Variants in PCDH11X observed in about 807,000 individuals in gnomAD.
PCDH11X encodes the protein protocadherin 11 X-linked.
A neutral mutation model predicts 53.3 loss-of-function variants in PCDH11X; 18 were observed. The observed-to-expected ratio is 0.34, with a 90% confidence interval of 0.23 to 0.50. The LOEUF is 0.50. PCDH11X is among the 20% of genes least tolerant of loss of function. PCDH11X has a pLI of 0.98. For synonymous variants in PCDH11X, 279 were observed against 393.3 expected, an observed-to-expected ratio of 0.71 and a Z score of 3.44; for missense variants, 570 against 1,032.4, an observed-to-expected ratio of 0.55 and a Z score of 6.14.
At chrX:92,124,708 T>A (rs2064831022) in intron 6 of PCDH11X, among the ~76,000 whole-genome samples, 1 of 109,810 alleles carries the variant, frequency 9.1e-6, no homozygotes, top group Admixed American at 9.8e-5. Flanking sequence ...AAACAGGGAA[T>A]CTGAATGTTA....
intron 10 of PCDH11X, among the ~76,000 whole-genome samples, chrX:92,581,855 G>A (rs1240307474): frequency 5.6e-5 from 6 of 107,062 alleles, no homozygotes; most frequent in African/African-American, 2.1e-4. Flanking sequence ...CCAGGCTCAG[G>A]TGGTCTCAGA....
rs781171949 is a variant in PCDH11X at position 92,259,410 on chromosome X, G to A, written c.3115-3704G>A. Among the ~76,000 whole-genome samples the A allele has an allele frequency of 4.1e-4, 46 of 111,443 alleles. No homozygotes were observed. In the Middle Eastern group the frequency reaches 0.019, roughly 45 times the overall value. ...CCTCAGGAAACTTACAATCATGGTGGAAGGCAAAGGGGTAGCAGCACTTCA... is the reference window on the plus strand; with the variant it reads ...CCTCAGGAAACTTACAATCATGGTGAAAGGCAAAGGGGTAGCAGCACTTCA... On this transcript the variant is annotated intron_variant, in intron 7 of 10. Coordinates refer to ENST00000682573, the MANE Select transcript of PCDH11X (RefSeq NM_032968.5).
intron 6 of PCDH11X, among the ~76,000 whole-genome samples, chrX:91,881,024 A>G (rs1225563420): frequency 9.0e-6 from 1 of 111,498 alleles, no homozygotes; most frequent in East Asian, 2.8e-4. Context: ...TTACATATGT[A>G]GATCATCATT....
chrX:92,244,123 C>G (rs1310615135), intron 7 of PCDH11X, among the ~76,000 whole-genome samples: 1 of 109,580 alleles, frequency 9.1e-6, no homozygotes, highest in Non-Finnish European at 1.9e-5. Flanking sequence ...ATCCCATGAG[C>G]CTAAGATAGA....
intron 6 of PCDH11X, among the ~76,000 whole-genome samples, chrX:92,145,221 G>A (rs945870896): frequency 8.9e-5 from 10 of 111,764 alleles, no homozygotes; most frequent in Non-Finnish European, 1.5e-4. Context: ...AGAAAAATGC[G>A]AGGACAGTCC....
At chrX:92,123,315 C>T (rs746495290) in intron 6 of PCDH11X, among the ~76,000 whole-genome samples, 2 of 111,577 alleles carry the variant, frequency 1.8e-5, no homozygotes, top group African/African-American at 6.5e-5. Flanking sequence ...TATTAGAAGA[C>T]TGTAAGTTTC....
intron 6 of PCDH11X, chrX:91,879,699 C>T: frequency 1.3e-5 from 10 of 784,556 alleles, no homozygotes; most frequent in Non-Finnish European, 1.5e-5. Flanking sequence ...AGAAGCCTAG[C>T]TTCACTTGGG....
intron 10 of PCDH11X, among the ~76,000 whole-genome samples, chrX:92,514,952 C>A (rs1395858543): frequency 1.0e-5 from 1 of 99,258 alleles, no homozygotes; most frequent in Non-Finnish European, 2.0e-5. Context: ...GAGGCTGAGG[C>A]AGGAAAATGG....
At chrX:92,390,124 C>T (rs1044827642) in intron 9 of PCDH11X, among the ~76,000 whole-genome samples, 4 of 110,527 alleles carry the variant, frequency 3.6e-5, no homozygotes, top group African/African-American at 1.3e-4. Flanking sequence ...CCATTTTCTA[C>T]AAGTCTAACA....
At chrX:92,602,361 A>G (rs1025540631) in intron 10 of PCDH11X, among the ~76,000 whole-genome samples, 18 of 112,708 alleles carry the variant, frequency 1.6e-4, no homozygotes, top group Non-Finnish European at 3.2e-4. Context: ...TAGCAGAGAC[A>G]ATCAGGAAAA....
intron 6 of PCDH11X, among the ~76,000 whole-genome samples, chrX:92,121,317 A>G (rs1291464249): frequency 9.1e-6 from 1 of 110,132 alleles, no homozygotes; most frequent in Admixed American, 9.7e-5. Flanking sequence ...CACCATGCCC[A>G]GCTAATTTTG....
intron 7 of PCDH11X, among the ~76,000 whole-genome samples, chrX:92,226,728 G>C (rs1421829305): frequency 9.0e-6 from 1 of 110,866 alleles, no homozygotes; most frequent in Non-Finnish European, 1.9e-5. Context: ...GGAGAATGAG[G>C]CTGCCAGACG....
At chrX:92,007,772 C>T (rs2062625652) in intron 6 of PCDH11X, among the ~76,000 whole-genome samples, 1 of 112,086 alleles carries the variant, frequency 8.9e-6, no homozygotes, top group African/African-American at 3.2e-5. Flanking sequence ...TGGAGCCAGC[C>T]CATCTCAGAG....
intron 9 of PCDH11X, among the ~76,000 whole-genome samples, chrX:92,429,053 T>C (rs1012968839): frequency 1.8e-5 from 2 of 110,882 alleles, no homozygotes; most frequent in African/African-American, 6.6e-5. Context: ...AAAAATAAAA[T>C]GCTAACTTAT....
chrX:92,140,127 AAT>A (rs1184942282), intron 6 of PCDH11X, among the ~76,000 whole-genome samples: 1 of 111,114 alleles, frequency 9.0e-6, no homozygotes, highest in East Asian at 2.8e-4. Flanking sequence ...AGAATTTTGA[AAT>A]ATACAGTATT....
At chrX:92,479,410 G>C (rs1443666299) in intron 10 of PCDH11X, among the ~76,000 whole-genome samples, 1 of 108,486 alleles carries the variant, frequency 9.2e-6, no homozygotes, top group Non-Finnish European at 1.9e-5. Flanking sequence ...CATCATGTTA[G>C]CTGGTTATTC....
intron 6 of PCDH11X, among the ~76,000 whole-genome samples, chrX:92,004,360 G>A (rs374411388): frequency 9.0e-5 from 10 of 110,708 alleles, no homozygotes; most frequent in East Asian, 2.8e-4. Flanking sequence ...TTATATAGTC[G>A]TTAGATGAAA....
At chrX:92,073,495 G>A (rs2063732550) in intron 6 of PCDH11X, among the ~76,000 whole-genome samples, 1 of 112,489 alleles carries the variant, frequency 8.9e-6, no homozygotes, top group African/African-American at 3.2e-5. Flanking sequence ...AGTGGAAACT[G>A]GAAAGCTAAC....
chrX:92,331,318 C>CTTCTTCTTCTTCTTCTTCTTCTT (rs58451818), intron 8 of PCDH11X, among the ~76,000 whole-genome samples: 3 of 92,610 alleles, frequency 3.2e-5, no homozygotes, highest in African/African-American at 8.2e-5. Flanking sequence ...TCTTCTTCTT[C>CTTCTTCTTCTTCTTCTTCTTCTT]CTCTTCTTCT....
Sources: gnomAD v4.1 joint callset for allele counts (sites outside exome capture counted in the v4.1 genomes callset) on GRCh38, gnomAD v4.1.1 for gene constraint, MANE v1.5 for transcripts, NCBI Gene and HGNC (gene_info 2026-07-23, HGNC 2026-07-21) for gene names.